The following CPHXL variants were observed in gnomAD, a reference collection of about 807,000 sequenced individuals.
The protein encoded by CPHXL is cytoplasmic polyadenylated homeobox like.
intron 1 of CPHXL, among the ~76,000 whole-genome samples, chr16:75,725,511 G>A (rs1341064038): frequency 1.3e-5 from 2 of 150,522 alleles, no homozygotes; most frequent in East Asian, 2.0e-4. Context: ...GGAGTGCAGC[G>A]GCACCATCTC....
intron 1 of CPHXL, among the ~76,000 whole-genome samples, chr16:75,720,633 G>T (rs1400889039): frequency 9.9e-5 from 15 of 152,270 alleles, no homozygotes; most frequent in African/African-American, 2.9e-4. Flanking sequence ...CTGATTGGTG[G>T]ACCTGAAAGT....
intron 1 of CPHXL, among the ~76,000 whole-genome samples, chr16:75,722,388 A>T (rs1423271677): frequency 2.0e-5 from 3 of 152,132 alleles, no homozygotes; most frequent in Non-Finnish European, 4.4e-5. Flanking sequence ...AAGAGAGAAG[A>T]ATCAAATAGA....
At chr16:75,724,962 C>A (rs1959533386) in intron 1 of CPHXL, among the ~76,000 whole-genome samples, 1 of 152,156 alleles carries the variant, frequency 6.6e-6, no homozygotes, top group East Asian at 1.9e-4. Context: ...ATGATGAGTT[C>A]ATGTCCTTTG....
intron 1 of CPHXL, among the ~76,000 whole-genome samples, chr16:75,719,536 G>C (rs1190885687): frequency 6.6e-6 from 1 of 152,138 alleles, no homozygotes; most frequent in Non-Finnish European, 1.5e-5. Context: ...CAAACTGCAG[G>C]GTGGCAGCGA....
chr16:75,722,824 TG>T (rs1320749008), intron 1 of CPHXL, among the ~76,000 whole-genome samples: 1 of 152,184 alleles, frequency 6.6e-6, no homozygotes, highest in African/African-American at 2.4e-5. Context: ...CCAATATCCC[TG>T]ATGAACATTG....
At chr16:75,717,756 C>G (rs567028735) in intron 2 of CPHXL, among the ~76,000 whole-genome samples, 13 of 152,216 alleles carry the variant, frequency 8.5e-5, no homozygotes, top group African/African-American at 2.6e-4. Flanking sequence ...TTTAACTTTC[C>G]AAATATTTTT....
intron 1 of CPHXL, among the ~76,000 whole-genome samples, chr16:75,720,697 G>C (rs918386876): frequency 1.3e-5 from 2 of 152,160 alleles, no homozygotes; most frequent in South Asian, 2.1e-4. Context: ...TTATCCAGGA[G>C]AACTTCCCCA....
chr16:75,723,030 G>A (rs1012211326), intron 1 of CPHXL, among the ~76,000 whole-genome samples: 4 of 152,118 alleles, frequency 2.6e-5, no homozygotes, highest in Non-Finnish European at 5.9e-5. Context: ...CGCAGAAAAG[G>A]CCTTTGACAA....
At chr16:75,725,408 C>A (rs1959541374) in intron 1 of CPHXL, among the ~76,000 whole-genome samples, 1 of 151,868 alleles carries the variant, frequency 6.6e-6, no homozygotes, top group Non-Finnish European at 1.5e-5. Flanking sequence ...TGCACCTCAA[C>A]TTTTGTAGTA....
Position 75,715,203 on chromosome 16 carries a change from C to G in CPHXL, c.239G>C (p.Arg80Thr), listed in dbSNP as rs908083348. The G allele has an allele frequency of 1.5e-5, 6 of 398,834 alleles. No homozygotes were observed. The highest frequency in any genetic ancestry group is 2.2e-5 in the Non-Finnish European group (5 of 226,202). The allele number at this position is 398,834 out of a possible 1,614,324, so 24.7% of individuals were successfully genotyped here. Reference sequence around the variant, plus strand: ...TCTTTCTGCAGGTGGAAGTCTGGCTCTTTTATTCTGGAACCAATTCTAGAG... The same window carrying G: ...TCTTTCTGCAGGTGGAAGTCTGGCTGTTTTATTCTGGAACCAATTCTAGAG... ...NVIDNWFQNK[R>T]ARLPPAERRR... The change falls in exon 3 of 3, where the codon AGA becomes ACA. Residue 80 changes from arginine (R) to threonine (T), a missense_variant. Transcript: ENST00000640559.
Position 75,715,070 on chromosome 16 carries a change from C to G in CPHXL, c.372G>C (p.Gln124His), listed in dbSNP as rs1959371334. The G allele has an allele frequency of 5.0e-6, 2 of 398,696 alleles. No homozygotes were observed. Among genetic ancestry groups the G allele is most frequent in the South Asian group, 2.5e-4 (2 of 7,874 alleles). 24.7% of individuals were successfully genotyped at this position (398,696 alleles called of 1,614,324 possible). A position where few individuals can be genotyped will look rare whatever the true frequency, so the allele number is the denominator to read the frequency against. The stretch of plus-strand genomic sequence containing the variant: ...GAGCCCTCTGGGCACCAGAGAGGCT[C>G]TGCTTGGTGGCATAGTTGTGAGCTG... ...QAAAHNYATK[Q>H]SLSGAQRALM... Residue 124 changes from glutamine to histidine, a missense_variant, in exon 3 of 3, where the codon CAG becomes CAC. Physicochemically the swap from Gln to His is conservative, Grantham distance 24 (BLOSUM62 0). Coordinates refer to ENST00000640559, the MANE Select transcript of CPHXL (RefSeq NM_001355613.1).
In CPHXL at chr16:75,714,280, G is replaced by T; in HGVS notation, c.1162C>A (p.Gln388Lys). The T allele has an allele frequency of 2.5e-6, 1 of 398,642 alleles. No individual in the cohort carries two copies. 24.7% of individuals were successfully genotyped at this position (398,642 alleles called of 1,614,324 possible). ...AADSPLLPLG[Q>K]DMQERASEQP... ...TCTGAAGCCCTTTCCTGCATATCTT[G>T]CCCCAGAGGCAGAAGGGGTGAGTCG... Residue 388 changes from glutamine (Q) to lysine (K), a missense_variant, in exon 3 of 3, where the codon CAA becomes AAA. Coordinates refer to ENST00000640559, the MANE Select transcript of CPHXL (RefSeq NM_001355613.1).
rs192221712 is a variant in CPHXL at position 75,722,930 on chromosome 16, G to T, written c.25+3488C>A. Among the ~76,000 whole-genome samples, 421 of 152,298 alleles carry T rather than the reference G, an allele frequency of 2.8e-3. 2 individuals are homozygous for T. The highest frequency in any genetic ancestry group is 9.7e-3 in the African/African-American group (402 of 41,564). On this transcript the variant is annotated intron_variant, in intron 1 of 2. Transcript: ENST00000640559. ...ATCAAGTGGGCTTCATCCCTGGGATGCAAGGCTGGTTCAACATACGAAAAT... is the reference window on the plus strand; with the variant it reads ...ATCAAGTGGGCTTCATCCCTGGGATTCAAGGCTGGTTCAACATACGAAAAT...
In CPHXL at chr16:75,718,391, G is replaced by C. The variant is rs1959424516; in HGVS notation, c.93C>G (p.His31Gln). 2.5e-6 allele frequency: 1 copy of C among 398,624 alleles called. No homozygotes were observed. Among genetic ancestry groups the C allele is most frequent in the Non-Finnish European group, 4.4e-6 (1 of 226,154 alleles). The allele number at this position is 398,624 out of a possible 1,614,324, so 24.7% of individuals were successfully genotyped here. ...RQTKNKRKTK[H>Q]RHKFSEELLQ... ...GTAATTCTTCAGAAAATTTATGTCGGTGTTTTGTTTTTCTTTTATTCTTTG... is the reference window on the plus strand; with the variant it reads ...GTAATTCTTCAGAAAATTTATGTCGCTGTTTTGTTTTTCTTTTATTCTTTG... Residue 31 changes from histidine to glutamine, a missense_variant, in exon 2 of 3, where the codon CAC becomes CAG. Physicochemically the swap from His to Gln is conservative, Grantham distance 24. Coordinates refer to ENST00000640559, the MANE Select transcript of CPHXL (RefSeq NM_001355613.1).
At chr16:75,717,443 C>T (rs572722855) in intron 2 of CPHXL, among the ~76,000 whole-genome samples, 14 of 152,226 alleles carry the variant, frequency 9.2e-5, no homozygotes, top group East Asian at 5.8e-4. Context: ...ATATATAAAA[C>T]GGTGTAGTAT....
chr16:75,724,537 C>G (rs1055622117), intron 1 of CPHXL, among the ~76,000 whole-genome samples: 2 of 152,244 alleles, frequency 1.3e-5, no homozygotes, highest in Non-Finnish European at 2.9e-5. Flanking sequence ...CTCATCATCA[C>G]TGGCCATCAG....
At chr16:75,722,313 AGG>A in intron 1 of CPHXL, among the ~76,000 whole-genome samples, 1 of 152,316 alleles carries the variant, frequency 6.6e-6, no homozygotes, top group South Asian at 2.1e-4. Context: ...CAATGAATCC[AGG>A]ACCTGGCTTT....
In CPHXL at chr16:75,724,326, A is replaced by G. The variant is rs570548769; in HGVS notation, c.25+2092T>C. 9.2e-5 allele frequency among the ~76,000 whole-genome samples: 14 copies of G among 152,342 alleles called. No homozygotes were observed. In the South Asian group the frequency reaches 2.9e-3, roughly 32 times the overall value. Reference sequence around the variant, plus strand: ...GCACAGTAAAAGGAACTACCATCAGAGTGAACAGGCAACCTACAGAATGGG... The same window carrying G: ...GCACAGTAAAAGGAACTACCATCAGGGTGAACAGGCAACCTACAGAATGGG... On this transcript the variant is annotated intron_variant, in intron 1 of 2. Coordinates refer to ENST00000640559, the MANE Select transcript of CPHXL (RefSeq NM_001355613.1).
At chr16:75,722,545 G>C (rs1245024740) in intron 1 of CPHXL, among the ~76,000 whole-genome samples, 1 of 152,116 alleles carries the variant, frequency 6.6e-6, no homozygotes, top group Non-Finnish European at 1.5e-5. Context: ...ACCCTCCCAA[G>C]ACTAAACCAG....
Sources: gnomAD v4.1 joint callset for allele counts (sites outside exome capture counted in the v4.1 genomes callset) on GRCh38, gnomAD v4.1.1 for gene constraint, MANE v1.5 for transcripts, NCBI Gene and HGNC (gene_info 2026-07-23, HGNC 2026-07-21) for gene names.